CNTNAP5: variants seen among roughly 807,000 people sequenced by gnomAD.
CNTNAP5 encodes contactin-associated protein-like 5.
A neutral mutation model predicts 150.2 loss-of-function variants in CNTNAP5; 72 were observed. The observed-to-expected ratio is 0.48, with a 90% CI of 0.40 to 0.58. The LOEUF (loss-of-function observed/expected upper bound fraction) is 0.58, where lower values mean the gene tolerates loss of function less well. Ranked by LOEUF, CNTNAP5 falls within the 20% of genes least tolerant of loss-of-function variation. The pLI is 0.00. For synonymous variants in CNTNAP5, 672 were observed against 619.8 expected (o/e 1.08, Z -1.25); for missense variants, 1,636 against 1,626.2 (o/e 1.01, Z -0.10).
chr2:124,216,452 A>G (rs967317684), intron 1 of CNTNAP5, among the ~76,000 whole-genome samples: 1 of 151,986 alleles, frequency 6.6e-6, no homozygotes, highest in African/African-American at 2.4e-5. Flanking sequence ...GGTTTGTTAC[A>G]TATGTATACA....
chr2:124,336,300 A>T (rs1172266984), intron 3 of CNTNAP5, among the ~76,000 whole-genome samples: 1 of 152,166 alleles, frequency 6.6e-6, no homozygotes, highest in Non-Finnish European at 1.5e-5. Flanking sequence ...GGCCAGTCTG[A>T]AAAGACTGGA....
intron 4 of CNTNAP5, among the ~76,000 whole-genome samples, chr2:124,426,011 G>T (rs72839494): frequency 6.6e-6 from 1 of 151,638 alleles, no homozygotes; most frequent in African/African-American, 2.4e-5. Context: ...AGTGCACCCC[G>T]AAAGACATCT....
intron 13 of CNTNAP5, among the ~76,000 whole-genome samples, chr2:124,711,357 G>C (rs1297338446): frequency 6.6e-6 from 1 of 152,050 alleles, no homozygotes; most frequent in African/African-American, 2.4e-5. Flanking sequence ...CACACACACT[G>C]TTCCATCTCT....
rs1220734747 is a variant in CNTNAP5, at chr2:124,504,261, T to C, written c.1063-31T>C. ...GTCAGATTGCGGAATAAAAAATGGC[T>C]TTTATATGTTTGACTTTTATTGTTT... is the stretch of plus-strand genomic sequence containing the variant. On this transcript the variant is annotated intron_variant, in intron 7 of 23. Transcript: ENST00000682447. 8 of 1,600,460 alleles carry C rather than the reference T, an allele frequency of 5.0e-6. No individual in the cohort carries two copies. The South Asian group carries it at 5.5e-5, about 11-fold the overall frequency.
At chr2:124,708,987 C>T (rs1402263186) in intron 13 of CNTNAP5, among the ~76,000 whole-genome samples, 2 of 152,180 alleles carry the variant, frequency 1.3e-5, no homozygotes, top group Admixed American at 1.3e-4. Context: ...TGCAAACTCA[C>T]TCACCGTGCG....
chr2:124,444,501 A>G (rs1692760979), intron 5 of CNTNAP5, among the ~76,000 whole-genome samples: 1 of 152,118 alleles, frequency 6.6e-6, no homozygotes, highest in South Asian at 2.1e-4. Flanking sequence ...AGGCTGAGGC[A>G]GGAGAATCGC....
intron 17 of CNTNAP5, among the ~76,000 whole-genome samples, chr2:124,787,377 T>G (rs1280743207): frequency 6.6e-6 from 1 of 152,238 alleles, no homozygotes; most frequent in African/African-American, 2.4e-5. Context: ...TTAAAGAGAT[T>G]TACTTACCAA....
Position 124,678,226 on chromosome 2 carries a change from G to A in CNTNAP5, c.2077+30268G>A, listed in dbSNP as rs575525029. On this transcript the variant is annotated intron_variant, in intron 13 of 23. Transcript: ENST00000682447. The stretch of plus-strand genomic sequence containing the variant: ...ACTGCCTCCCCAGGAAGGTTGCATA[G>A]CAGTTAAAACTGTACTGATTGTGCC... 5.9e-5 allele frequency among the ~76,000 whole-genome samples: 9 copies of A among 151,944 alleles called. No homozygotes were observed. In the South Asian group the frequency reaches 1.9e-3, roughly 32 times the overall value.
chr2:124,289,610 T>G (rs1430265074), intron 3 of CNTNAP5, among the ~76,000 whole-genome samples: 2 of 152,246 alleles, frequency 1.3e-5, no homozygotes, highest in Non-Finnish European at 1.5e-5. Context: ...TTACGAACAT[T>G]CATTGCATAG....
chr2:124,673,452 T>G (rs1678863762), intron 13 of CNTNAP5, among the ~76,000 whole-genome samples: 2 of 152,042 alleles, frequency 1.3e-5, no homozygotes, highest in African/African-American at 4.8e-5. Context: ...TTCTTTTTTT[T>G]TTTCCCTAGC....
At chr2:124,552,318 C>A (rs1695645884) in intron 10 of CNTNAP5, among the ~76,000 whole-genome samples, 1 of 152,190 alleles carries the variant, frequency 6.6e-6, no homozygotes, top group African/African-American at 2.4e-5. Context: ...GGTGACCCCA[C>A]TACACCCCTC....
chr2:124,369,505 G>A (rs1690463486), intron 3 of CNTNAP5, among the ~76,000 whole-genome samples: 1 of 152,116 alleles, frequency 6.6e-6, no homozygotes, highest in Non-Finnish European at 1.5e-5. Flanking sequence ...AAGAGACATA[G>A]GCATTGGTAT....
intron 12 of CNTNAP5, among the ~76,000 whole-genome samples, 187 bp from the exon 13 acceptor site, chr2:124,647,557 AATTGAGCTCTTAAG>A (rs1379041061): frequency 2.0e-5 from 3 of 152,160 alleles, no homozygotes; most frequent in Non-Finnish European, 4.4e-5. Context: ...GGGCTCCGCA[AATTGAGCTCTTAAG>A]ATTACTGACC....
chr2:124,126,711 A>G (rs1290608921), intron 1 of CNTNAP5, among the ~76,000 whole-genome samples: 1 of 152,206 alleles, frequency 6.6e-6, no homozygotes, highest in African/African-American at 2.4e-5. Context: ...CTTATCCACC[A>G]TGATCAAGTT....
intron 2 of CNTNAP5, among the ~76,000 whole-genome samples, chr2:124,239,959 C>T (rs917236878): frequency 2.0e-5 from 3 of 152,034 alleles, no homozygotes; most frequent in African/African-American, 7.2e-5. Context: ...TACCTACTTC[C>T]AGTGATTTTC....
chr2:124,250,653 T>A (rs568043562), intron 3 of CNTNAP5, among the ~76,000 whole-genome samples: 1 of 152,050 alleles, frequency 6.6e-6, no homozygotes, highest in Non-Finnish European at 1.5e-5. Context: ...ACAGGGGAGC[T>A]GGAGGAGGAG....
At chr2:124,640,546 G>A (rs72974558) in intron 12 of CNTNAP5, among the ~76,000 whole-genome samples, 1,569 of 152,234 alleles carry the variant, frequency 0.01, 27 homozygotes, top group African/African-American at 0.036. Flanking sequence ...AGTGAGGCAC[G>A]GATGGATTCT....
rs531457463 is a variant in CNTNAP5, at chr2:124,897,697, G to C, written c.3437-5185G>C. 2.9e-4 allele frequency among the ~76,000 whole-genome samples: 44 copies of C among 151,442 alleles called. 1 individual carries two copies. Among genetic ancestry groups the C allele is most frequent in the African/African-American group, 1.1e-3 (43 of 40,872 alleles). On this transcript the variant is annotated intron_variant, in intron 21 of 23. Transcript: ENST00000682447. ...TACCTACAGAAAAGTGTCACGCATA[G>C]CATAATAGAAAAAAAAGGGTGGAGG...
At chr2:124,112,266 C>T (rs1558760049) in intron 1 of CNTNAP5, among the ~76,000 whole-genome samples, 1 of 152,172 alleles carries the variant, frequency 6.6e-6, no homozygotes, top group Non-Finnish European at 1.5e-5. Flanking sequence ...GAATACTTCC[C>T]TCAGGTTCCC....
Sources: gnomAD v4.1 joint callset for allele counts (sites outside exome capture counted in the v4.1 genomes callset) on GRCh38, gnomAD v4.1.1 for gene constraint, MANE v1.5 for transcripts, NCBI Gene and HGNC (gene_info 2026-07-23, HGNC 2026-07-21) for gene names.